The following DMRT1 variants were observed in gnomAD, a reference collection of about 807,000 sequenced individuals.
DMRT1 encodes the protein doublesex- and mab-3-related transcription factor 1.
In DMRT1, 7 loss-of-function variants were observed where a neutral mutation model predicts 32.3. The ratio of observed to expected loss-of-function variants is 0.22; its 90% CI spans 0.12 to 0.41. The LOEUF (loss-of-function observed/expected upper bound fraction) is 0.41, where lower values mean the gene tolerates loss of function less well. Among genes scored for constraint, DMRT1 ranks in the 10% least tolerant of loss-of-function variants. The pLI, the probability that DMRT1 is intolerant of heterozygous loss-of-function variation, is 1.00. For missense variants in DMRT1, 625 were observed against 500.5 expected, an observed-to-expected ratio of 1.25 and a Z score of -2.37; for synonymous variants, 278 against 206.1, an observed-to-expected ratio of 1.35 and a Z score of -2.99.
At chr9:941,296 C>T (rs961760656) in intron 4 of DMRT1, among the ~76,000 whole-genome samples, 14 of 151,400 alleles carry the variant, frequency 9.2e-5, no homozygotes, top group Admixed American at 7.9e-4. Flanking sequence ...GAAAATGTGG[C>T]GCATGCATGA....
At chr9:873,026 A>T (rs1296225666) in intron 2 of DMRT1, among the ~76,000 whole-genome samples, 3 of 152,196 alleles carry the variant, frequency 2.0e-5, no homozygotes, top group Admixed American at 1.3e-4. Flanking sequence ...TCACAGACAC[A>T]CCCCAGAAAT....
At chr9:889,056 G>A (rs1216037285) in intron 2 of DMRT1, among the ~76,000 whole-genome samples, 1 of 152,054 alleles carries the variant, frequency 6.6e-6, no homozygotes, top group African/African-American at 2.4e-5. Flanking sequence ...AGTCTGTGGT[G>A]GGGCCCAAGA....
chr9:856,555 C>T, intron 2 of DMRT1, among the ~76,000 whole-genome samples: 1 of 152,178 alleles, frequency 6.6e-6, no homozygotes, highest in East Asian at 1.9e-4. Context: ...CATGTTGTAG[C>T]ATGTATTTTT....
At chr9:879,328 C>G (rs746256406) in intron 2 of DMRT1, among the ~76,000 whole-genome samples, 14 of 151,930 alleles carry the variant, frequency 9.2e-5, no homozygotes, top group Non-Finnish European at 1.5e-4. Flanking sequence ...AAATAATAAA[C>G]TCATTACCTC....
intron 3 of DMRT1, among the ~76,000 whole-genome samples, chr9:895,858 A>G (rs921495857): frequency 5.7e-5 from 8 of 140,930 alleles, no homozygotes; most frequent in Admixed American, 7.6e-5. Context: ...CAGCTGGAGT[A>G]CAGTGGCGCG....
rs752693581 is a variant in DMRT1, at chr9:860,290, C to CT, written c.538+13148dup. Among the ~76,000 whole-genome samples, 11 of 152,166 alleles carry CT rather than the reference C, an allele frequency of 7.2e-5. No homozygotes were observed. In the East Asian group the frequency reaches 1.2e-3, roughly 16 times the overall value. The stretch of plus-strand genomic sequence containing the variant: ...CCAGCCTGGGCGACAGAGCGAGACT[C>CT]TGTCTCAAAAAAAATTAAATACATA... On this transcript the variant is annotated intron_variant, in intron 2 of 4. Transcript: ENST00000382276.
intron 4 of DMRT1, among the ~76,000 whole-genome samples, chr9:927,409 AGCTCGTCAGCG>A (rs1818563822): frequency 6.6e-6 from 1 of 152,190 alleles, no homozygotes; most frequent in Non-Finnish European, 1.5e-5. Context: ...ACTGCTTTGA[AGCTCGTCAGCG>A]GCCCTTTATA....
chr9:927,693 C>T (rs980657291), intron 4 of DMRT1, among the ~76,000 whole-genome samples: 14 of 152,178 alleles, frequency 9.2e-5, no homozygotes, highest in Non-Finnish European at 1.8e-4. Flanking sequence ...GTTCCAAATG[C>T]GCTTCCTGGT....
chr9:896,542 C>A (rs552991212), intron 3 of DMRT1, among the ~76,000 whole-genome samples: 1 of 152,122 alleles, frequency 6.6e-6, no homozygotes, highest in African/African-American at 2.4e-5. Flanking sequence ...AGGCCAGGTG[C>A]GGTGGCTCAT....
chr9:919,784 G>A (rs10977499), intron 4 of DMRT1, among the ~76,000 whole-genome samples: 19,646 of 152,140 alleles, frequency 0.13, 1,749 homozygotes, highest in African/African-American at 0.25. Context: ...AAAGAAGATG[G>A]TGGCTGAGTG....
rs533394746 is a variant in DMRT1 at position 942,593 on chromosome 9, A to G, written c.968-25392A>G. Among the ~76,000 whole-genome samples the G allele has an allele frequency of 2.0e-5, 3 of 152,258 alleles. No individual in the cohort carries two copies. The South Asian group carries it at 6.2e-4, about 32-fold the overall frequency. ...TGGCCTATTTTTCATTTTAAACTTG[A>G]TATAAAATTGCAATGATGATCTCTC... On this transcript the variant is annotated intron_variant, in intron 4 of 4. Coordinates refer to ENST00000382276, the MANE Select transcript of DMRT1 (RefSeq NM_021951.3).
At position 893,991 on chromosome 9, in the gene DMRT1, C is replaced by G. The variant is rs1225593832; in HGVS notation, c.618C>G (p.Asp206Glu). The change falls in exon 3 of 5, where the codon GAC becomes GAG. Residue 206 changes from aspartate (D) to glutamate (E), a missense_variant. By Grantham distance (45) the Asp-to-Glu change is conservative. Coordinates refer to ENST00000382276, the MANE Select transcript of DMRT1 (RefSeq NM_021951.3). ...AGAACACACCTGACCTGGTTTCAGA[C>G]TCCACCTACTACAGCAGCTTCTACC... ...HVENTPDLVS[D>E]STYYSSFYQP... 6.2e-7 allele frequency: 1 copy of G among 1,614,208 alleles called. No individual in the cohort carries two copies. Among genetic ancestry groups the G allele is most frequent in the African/African-American group, 1.3e-5 (1 of 75,074 alleles).
chr9:872,264 T>C (rs1024086435), intron 2 of DMRT1, among the ~76,000 whole-genome samples: 14 of 151,976 alleles, frequency 9.2e-5, no homozygotes, highest in Non-Finnish European at 5.9e-5. Context: ...GGTTTCACCA[T>C]GTTGGCCAGG....
chr9:846,913 G>C (rs780509404), intron 1 of DMRT1, 47 bp from the exon 2 acceptor site: 39 of 1,612,284 alleles, frequency 2.4e-5, no homozygotes, highest in Non-Finnish European at 3.3e-5. Flanking sequence ...TTTTGGCAAA[G>C]CTGATTCTGG....
rs1368766131 is a variant in DMRT1, at chr9:894,112, C to G, written c.739C>G (p.Pro247Ala). 20 of 1,614,230 alleles carry G rather than the reference C, an allele frequency of 1.2e-5. No homozygotes were observed. Among genetic ancestry groups the G allele is most frequent in the Non-Finnish European group, 1.6e-5 (19 of 1,180,026 alleles). ...ADSASGEVGN[P>A]LGGSPVKNSL... is the part of the protein sequence containing the mutation. The stretch of plus-strand genomic sequence containing the variant: ...TTCTGCTTCTGGGGAGGTGGGAAAT[C>G]CCCTCGGGGGATCCCCTGTGAAGAA... Residue 247 changes from proline to alanine, a missense_variant, in exon 3 of 5, where the codon CCC (proline) becomes GCC (alanine). Physicochemically the swap from Pro to Ala is conservative, Grantham distance 27 (BLOSUM62 -1). Transcript: ENST00000382276.
chr9:885,745 G>A (rs1400786664), intron 2 of DMRT1, among the ~76,000 whole-genome samples: 1 of 152,114 alleles, frequency 6.6e-6, no homozygotes, highest in African/African-American at 2.4e-5. Flanking sequence ...GCTAGTCCAT[G>A]GGCACAGGCT....
At chr9:921,067 T>C (rs1195799044) in intron 4 of DMRT1, among the ~76,000 whole-genome samples, 1 of 152,160 alleles carries the variant, frequency 6.6e-6, no homozygotes. Flanking sequence ...AAGTGTACAA[T>C]TCAGTGGCAT....
At chr9:880,237 G>C (rs573086393) in intron 2 of DMRT1, among the ~76,000 whole-genome samples, 36 of 152,278 alleles carry the variant, frequency 2.4e-4, no homozygotes, top group Admixed American at 2.2e-3. Context: ...CCTTTGGTGT[G>C]CAGAAAGGCT....
rs191204330 is a variant in DMRT1, at chr9:854,336, G to A, written c.538+7193G>A. ...GAGTCTCACTCTTGCCCAGGTTGGA[G>A]TGCAGTGGCGTGATCTTGACTCACT... On this transcript the variant is annotated intron_variant, in intron 2 of 4. Coordinates refer to ENST00000382276, the MANE Select transcript of DMRT1 (RefSeq NM_021951.3). 3.2e-3 allele frequency among the ~76,000 whole-genome samples: 487 copies of A among 152,026 alleles called. 3 individuals are homozygous for A. Among genetic ancestry groups the A allele is most frequent in the African/African-American group, 0.011 (452 of 41,460 alleles).
Sources: gnomAD v4.1 joint callset for allele counts (sites outside exome capture counted in the v4.1 genomes callset) on GRCh38, gnomAD v4.1.1 for gene constraint, MANE v1.5 for transcripts, NCBI Gene and HGNC (gene_info 2026-07-23, HGNC 2026-07-21) for gene names.